Variants in PEX5L observed in about 807,000 individuals in gnomAD.
The protein encoded by PEX5L is peroxisomal biogenesis factor 5 like.
PEX5L carries 30 observed loss-of-function variants against 84.0 expected under a neutral mutation model. The observed-to-expected ratio is 0.36, with a 90% CI of 0.27 to 0.48. The LOEUF is 0.48. Among genes scored for constraint, PEX5L ranks in the 20% least tolerant of loss-of-function variants. The probability of loss-of-function intolerance (pLI) is 0.99; values close to 1 mark genes in which losing one functional copy is unlikely to be tolerated. For missense variants in PEX5L, 533 were observed against 754.6 expected (o/e 0.71, Z 3.44); for synonymous variants, 270 against 283.1 (o/e 0.95, Z 0.46).
chr3:179,801,737 T>G lies in PEX5L; in HGVS notation c.*91A>C. 1.1e-6 allele frequency: 1 copy of G among 909,834 alleles called. No individual in the cohort carries two copies. Among genetic ancestry groups the G allele is most frequent in the Non-Finnish European group, 1.8e-6 (1 of 550,788 alleles). The allele number at this position is 909,834 out of a possible 1,614,324, so 56.4% of individuals were successfully genotyped here. A position where few individuals can be genotyped will look rare whatever the true frequency, so the allele number is the denominator to read the frequency against. ...GACCATGGCCTTTTGAATATTTGAT[T>G]TATCCTTTTGAAATTCATAATAAAA... On this transcript the variant is annotated 3_prime_UTR_variant, in exon 15 of 15. Coordinates refer to ENST00000467460, the MANE Select transcript of PEX5L (RefSeq NM_016559.3).
chr3:179,872,837 T>A (rs1750831734), intron 7 of PEX5L, among the ~76,000 whole-genome samples: 1 of 152,250 alleles, frequency 6.6e-6, no homozygotes, highest in East Asian at 1.9e-4. Context: ...ACTGTACTTA[T>A]CATGAAATAT....
chr3:179,961,189 T>TTGTGTG (rs1491302387), intron 2 of PEX5L, among the ~76,000 whole-genome samples: 1 of 144,742 alleles, frequency 6.9e-6, no homozygotes, highest in African/African-American at 2.5e-5. Flanking sequence ...GAATGATCAC[T>TTGTGTG]TGTGTATGTG....
intron 8 of PEX5L, among the ~76,000 whole-genome samples, chr3:179,834,902 G>A (rs1734401619): frequency 2.0e-5 from 3 of 152,178 alleles, no homozygotes; most frequent in Admixed American, 1.3e-4. Context: ...TTCAGACGAG[G>A]TTCTTAGGGT....
At chr3:179,971,077 A>G (rs1784601303) in intron 2 of PEX5L, among the ~76,000 whole-genome samples, 1 of 152,132 alleles carries the variant, frequency 6.6e-6, no homozygotes, top group African/African-American at 2.4e-5. Context: ...GGTACTACAG[A>G]TTTTATTAAA....
At chr3:180,014,771 CT>C (rs1348065560) in intron 1 of PEX5L, among the ~76,000 whole-genome samples, 1 of 151,788 alleles carries the variant, frequency 6.6e-6, no homozygotes, top group East Asian at 1.9e-4. Flanking sequence ...TAAATTTTTT[CT>C]TTTTTTCTAG....
At chr3:179,847,081 GTA>G (rs80254022) in intron 8 of PEX5L, among the ~76,000 whole-genome samples, 128 of 105,490 alleles carry the variant, frequency 1.2e-3, no homozygotes, top group Non-Finnish European at 1.6e-3. Flanking sequence ...GTGTGTGTGT[GTA>G]TATATATATA....
intron 8 of PEX5L, among the ~76,000 whole-genome samples, chr3:179,833,208 T>C (rs939897651): frequency 1.1e-4 from 16 of 152,114 alleles, no homozygotes; most frequent in Non-Finnish European, 2.4e-4. Context: ...ATCTAAGAGG[T>C]TTTCTGAGTG....
chr3:179,989,712 G>A (rs1467363238), intron 1 of PEX5L, among the ~76,000 whole-genome samples: 2 of 151,978 alleles, frequency 1.3e-5, no homozygotes, highest in Non-Finnish European at 2.9e-5. Flanking sequence ...GAGAATAGTG[G>A]CTTATTCAAT....
intron 5 of PEX5L, among the ~76,000 whole-genome samples, chr3:179,879,315 C>T (rs1186990425): frequency 6.6e-6 from 1 of 152,162 alleles, no homozygotes; most frequent in Non-Finnish European, 1.5e-5. Context: ...TTGAGGTTGA[C>T]TAGAACTAGG....
At chr3:179,924,285 G>A (rs1208542288) in intron 2 of PEX5L, among the ~76,000 whole-genome samples, 1 of 152,092 alleles carries the variant, frequency 6.6e-6, no homozygotes, top group Non-Finnish European at 1.5e-5. Flanking sequence ...GCCACGTACT[G>A]TAGTTATTTA....
chr3:179,986,268 G>A (rs1362026812), intron 1 of PEX5L, among the ~76,000 whole-genome samples: 1 of 151,610 alleles, frequency 6.6e-6, no homozygotes, highest in Admixed American at 6.6e-5. Flanking sequence ...TGGGGAGGAT[G>A]CTTTGCTATG....
At chr3:179,919,987 G>A (rs1041218312) in intron 2 of PEX5L, among the ~76,000 whole-genome samples, 1 of 152,220 alleles carries the variant, frequency 6.6e-6, no homozygotes, top group African/African-American at 2.4e-5. Context: ...ACAGGCATGA[G>A]CCACTGAGCT....
At chr3:179,846,563 A>G (rs1560351736) in intron 8 of PEX5L, among the ~76,000 whole-genome samples, 2 of 152,176 alleles carry the variant, frequency 1.3e-5, no homozygotes, top group Non-Finnish European at 1.5e-5. Context: ...ATTTGCTTCA[A>G]CATTATTTCT....
At chr3:179,887,849 T>C (rs1043535830) in intron 3 of PEX5L, 65 bp from the exon 4 acceptor site, 6 of 1,041,638 alleles carry the variant, frequency 5.8e-6, no homozygotes, top group Admixed American at 5.7e-5. Flanking sequence ...TGAATTAAAA[T>C]GCAGCCTTGC....
At chr3:180,010,439 A>C (rs1255672905) in intron 1 of PEX5L, among the ~76,000 whole-genome samples, 1 of 151,818 alleles carries the variant, frequency 6.6e-6, no homozygotes, top group Admixed American at 6.6e-5. Flanking sequence ...GGCACTCTAC[A>C]ATCCAAAGGA....
intron 2 of PEX5L, among the ~76,000 whole-genome samples, chr3:179,941,794 G>C (rs1200097083): frequency 2.0e-5 from 3 of 152,062 alleles, no homozygotes. Flanking sequence ...AGGCAGAGGT[G>C]GGCGGATCAC....
chr3:180,025,648 T>C (rs1289541658), intron 1 of PEX5L, among the ~76,000 whole-genome samples: 4 of 151,982 alleles, frequency 2.6e-5, no homozygotes, highest in Non-Finnish European at 4.4e-5. Context: ...ATTCAGAGCG[T>C]ATGTAAGGCA....
At chr3:179,898,270 A>T in intron 2 of PEX5L, 24 bp from the exon 3 acceptor site, 1 of 1,481,168 alleles carries the variant, frequency 6.8e-7, no homozygotes, top group East Asian at 2.3e-5. Flanking sequence ...ATCAACAATG[A>T]CTGTGTCAGG....
chr3:180,031,543 T>C (rs1379062017), intron 1 of PEX5L, among the ~76,000 whole-genome samples: 1 of 152,252 alleles, frequency 6.6e-6, no homozygotes, highest in African/African-American at 2.4e-5. Context: ...TTTGAAATTA[T>C]ATTTTTAGAT....
Sources: allele counts gnomAD v4.1 joint callset (sites outside exome capture counted in the v4.1 genomes callset), GRCh38; gene constraint gnomAD v4.1.1; transcripts MANE v1.5; gene names NCBI Gene and HGNC (gene_info 2026-07-23, HGNC 2026-07-21).